Variants in CERT1 observed in about 807,000 individuals in gnomAD.
CERT1 encodes ceramide transfer protein.
Under a neutral mutation model 87.9 loss-of-function variants are expected in CERT1, and 31 were observed. The ratio of observed to expected loss-of-function variants is 0.35; its 90% CI spans 0.27 to 0.48. The LOEUF (loss-of-function observed/expected upper bound fraction) is 0.48. CERT1 is among the 20% of genes least tolerant of loss of function. The pLI, the probability that CERT1 is intolerant of heterozygous loss-of-function variation, is 0.99. For missense variants in CERT1, 487 were observed against 758.0 expected, an observed-to-expected ratio of 0.64 and a Z score of 4.20; for synonymous variants, 289 against 250.9, an observed-to-expected ratio of 1.15 and a Z score of -1.44.
chr5:75,447,796 G>A (rs1764617164), intron 3 of CERT1, among the ~76,000 whole-genome samples: 1 of 151,452 alleles, frequency 6.6e-6, no homozygotes, highest in Admixed American at 6.6e-5. Context: ...TTGTTAAAGA[G>A]ACAGGGTCTC....
chr5:75,458,786 C>G (rs1033998278), intron 3 of CERT1, among the ~76,000 whole-genome samples: 2 of 152,106 alleles, frequency 1.3e-5, no homozygotes, highest in Non-Finnish European at 2.9e-5. Flanking sequence ...CTGACCTCAG[C>G]TGATCCACCT....
At chr5:75,506,908 T>C (rs1561311822) in intron 1 of CERT1, among the ~76,000 whole-genome samples, 1 of 152,336 alleles carries the variant, frequency 6.6e-6, no homozygotes, top group East Asian at 1.9e-4. Context: ...GGCAGAAATG[T>C]AACCTTTACA....
At chr5:75,429,491 C>T (rs1037683229) in intron 3 of CERT1, among the ~76,000 whole-genome samples, 7 of 152,132 alleles carry the variant, frequency 4.6e-5, no homozygotes, top group Non-Finnish European at 1.0e-4. Flanking sequence ...GCGTGAGCCA[C>T]CCTGCCTGCC....
At chr5:75,374,657 C>A (rs1406590499), downstream of CERT1, 14 of 639,326 alleles carry the variant, frequency 2.2e-5, no homozygotes. Context: ...ATGTGCTTCC[C>A]AAGCTGTTAT....
intron 14 of CERT1, among the ~76,000 whole-genome samples, chr5:75,383,547 TATGCTGAAACAG>T (rs1761669175): frequency 6.6e-6 from 1 of 152,124 alleles, no homozygotes; most frequent in Non-Finnish European, 1.5e-5. Flanking sequence ...TCAAAATTTG[TATGCTGAAACAG>T]AATCTTAATT....
At chr5:75,385,764 A>T in intron 13 of CERT1, 138 bp downstream of exon 13, 1 of 544,258 alleles carries the variant, frequency 1.8e-6, no homozygotes, top group East Asian at 3.4e-5. Flanking sequence ...ACATAAATGT[A>T]TTGCTAGTCC....
intron 3 of CERT1, among the ~76,000 whole-genome samples, chr5:75,437,168 T>G (rs752640234): frequency 2.0e-5 from 3 of 152,188 alleles, no homozygotes; most frequent in Non-Finnish European, 2.9e-5. Flanking sequence ...TCAAAACTAC[T>G]GATTTTTTAA....
intron 3 of CERT1, among the ~76,000 whole-genome samples, chr5:75,449,144 T>G (rs1316730229): frequency 6.6e-6 from 1 of 152,194 alleles, no homozygotes; most frequent in Non-Finnish European, 1.5e-5. Flanking sequence ...AAATGGCAAT[T>G]AGACTTTTTT....
chr5:75,443,970 T>C (rs1304820864), intron 3 of CERT1, among the ~76,000 whole-genome samples: 3 of 152,222 alleles, frequency 2.0e-5, no homozygotes, highest in Admixed American at 2.0e-4. Context: ...CTGCTCTCTT[T>C]TGGTTGCTAT....
intron 3 of CERT1, among the ~76,000 whole-genome samples, chr5:75,455,365 G>A (rs1394446775): frequency 1.3e-5 from 2 of 152,194 alleles, no homozygotes; most frequent in Non-Finnish European, 2.9e-5. Context: ...CCAAGAGTTT[G>A]TAGAATCCCG....
At chr5:75,416,232 G>A (rs1422617880) in intron 7 of CERT1, among the ~76,000 whole-genome samples, 3 of 151,976 alleles carry the variant, frequency 2.0e-5, no homozygotes, top group Non-Finnish European at 4.4e-5. Flanking sequence ...ATAAAATGAT[G>A]GCATTGGACT....
In CERT1 at chr5:75,511,106, G is replaced by A; in HGVS notation, c.96+6C>T. The A allele has an allele frequency of 6.4e-7, 1 of 1,553,168 alleles. No homozygotes were observed. The highest frequency in any genetic ancestry group is 8.7e-7 in the Non-Finnish European group (1 of 1,149,640). Reference sequence around the variant, plus strand: ...CAGGGGTCCCTTGGCACCAGGGGTTGCTCACCTTACTGAGGACCCCGCAGC... The same window carrying A: ...CAGGGGTCCCTTGGCACCAGGGGTTACTCACCTTACTGAGGACCCCGCAGC... On this transcript the variant is annotated splice_donor_region_variant and intron_variant, in intron 1 of 16. Coordinates refer to ENST00000643780, the MANE Select transcript of CERT1 (RefSeq NM_001379029.1).
At chr5:75,383,448 A>T (rs1761665484) in intron 14 of CERT1, among the ~76,000 whole-genome samples, 1 of 152,086 alleles carries the variant, frequency 6.6e-6, no homozygotes, top group Non-Finnish European at 1.5e-5. Context: ...TTTTGGTTCT[A>T]AATTATTGGT....
At chr5:75,497,667 G>A (rs978141725) in intron 2 of CERT1, among the ~76,000 whole-genome samples, 7 of 151,926 alleles carry the variant, frequency 4.6e-5, no homozygotes, top group Non-Finnish European at 7.4e-5. Context: ...GGTGACTTCC[G>A]CCATGATTTT....
chr5:75,374,850 G>A (rs540473153), downstream of CERT1: 115 of 467,026 alleles, frequency 2.5e-4, 1 homozygote, highest in Non-Finnish European at 3.6e-4. Context: ...CTATTCTCTG[G>A]AGAAAAATAA....
intron 2 of CERT1, among the ~76,000 whole-genome samples, chr5:75,504,351 A>T (rs1767553345): frequency 6.6e-6 from 1 of 152,144 alleles, no homozygotes; most frequent in Non-Finnish European, 1.5e-5. Flanking sequence ...ATTTCCTAAA[A>T]ATTGTCTCTA....
chr5:75,397,165 G>A (rs1191630483), intron 11 of CERT1, among the ~76,000 whole-genome samples: 1 of 152,180 alleles, frequency 6.6e-6, no homozygotes, highest in Non-Finnish European at 1.5e-5. Flanking sequence ...TAGAGTCCAC[G>A]TCTGCTAATG....
chr5:75,489,627 T>A (rs57679448), intron 2 of CERT1, among the ~76,000 whole-genome samples: 1 of 151,986 alleles, frequency 6.6e-6, no homozygotes, highest in African/African-American at 2.4e-5. Context: ...CCAACAAACA[T>A]GAAAAAAAGC....
intron 7 of CERT1, among the ~76,000 whole-genome samples, chr5:75,413,513 G>A (rs1763014601): frequency 6.6e-6 from 1 of 152,196 alleles, no homozygotes; most frequent in African/African-American, 2.4e-5. Flanking sequence ...GGAGGCTGAG[G>A]CAGGAGGATC....
Sources: allele counts gnomAD v4.1 joint callset (sites outside exome capture counted in the v4.1 genomes callset), GRCh38; gene constraint gnomAD v4.1.1; transcripts MANE v1.5; gene names NCBI Gene and HGNC (gene_info 2026-07-23, HGNC 2026-07-21).